The following ERGIC1 variants were observed in gnomAD, a reference collection of about 807,000 sequenced individuals.
ERGIC1 encodes the protein endoplasmic reticulum-Golgi intermediate compartment protein 1.
ERGIC1 carries 19 observed loss-of-function variants against 38.3 expected under a neutral mutation model. The observed-to-expected ratio is 0.50, with a 90% CI of 0.35 to 0.73. The LOEUF (loss-of-function observed/expected upper bound fraction) is 0.73. Ranked by LOEUF, ERGIC1 falls within the 30% of genes least tolerant of loss-of-function variation. The pLI is 0.01. For synonymous variants in ERGIC1, 124 were observed against 157.6 expected (o/e 0.79, Z 1.60); for missense variants, 294 against 389.2 (o/e 0.76, Z 2.06).
At chr5:172,942,012 C>G (rs1764020662) in intron 9 of ERGIC1, among the ~76,000 whole-genome samples, 1 of 152,100 alleles carries the variant, frequency 6.6e-6, no homozygotes, top group Non-Finnish European at 1.5e-5. Context: ...TGAGACCAGC[C>G]TAACATGGTG....
intron 3 of ERGIC1, chr5:172,905,199 G>T (rs113905647): frequency 4.1e-6 from 1 of 246,428 alleles, no homozygotes; most frequent in Admixed American, 4.1e-5. Flanking sequence ...AAGGTGAGTT[G>T]CTTCAAGGAA....
chr5:172,844,664 C>T (rs2113522139), intron 1 of ERGIC1, among the ~76,000 whole-genome samples: 1 of 152,284 alleles, frequency 6.6e-6, no homozygotes, highest in East Asian at 1.9e-4. Context: ...CCATGCTAAG[C>T]CCCCTCCCAC....
At chr5:172,874,899 T>C (rs1449701724) in intron 1 of ERGIC1, among the ~76,000 whole-genome samples, 2 of 141,620 alleles carry the variant, frequency 1.4e-5, no homozygotes, top group East Asian at 2.1e-4. Flanking sequence ...CACTCCAGCC[T>C]GGGCAAGAGT....
chr5:172,869,639 G>A (rs1761954405), intron 1 of ERGIC1, among the ~76,000 whole-genome samples: 1 of 152,214 alleles, frequency 6.6e-6, no homozygotes, highest in Admixed American at 6.5e-5. Flanking sequence ...ATGAATCACT[G>A]TAAAAATCAA....
In ERGIC1 at chr5:172,870,983, G is replaced by A. The variant is rs960614738; in HGVS notation, c.21-17716G>A. The stretch of plus-strand genomic sequence containing the variant: ...CAGCCCCTGGGGAACCCCAAGATGC[G>A]TAAGACAACCTCCTGCCCTTGAGGA... On this transcript the variant is annotated intron_variant, in intron 1 of 9. Transcript: ENST00000393784. 7.2e-5 allele frequency among the ~76,000 whole-genome samples: 11 copies of A among 152,348 alleles called. No individual in the cohort carries two copies. In the East Asian group the frequency reaches 1.2e-3, roughly 16 times the overall value.
At chr5:172,857,090 T>G (rs1326209901) in intron 1 of ERGIC1, among the ~76,000 whole-genome samples, 1 of 152,170 alleles carries the variant, frequency 6.6e-6, no homozygotes, top group African/African-American at 2.4e-5. Flanking sequence ...AGGAACATGA[T>G]GTACGCTGAA....
intron 5 of ERGIC1, among the ~76,000 whole-genome samples, chr5:172,920,734 C>T (rs534637344): frequency 2.8e-4 from 42 of 152,284 alleles, no homozygotes; most frequent in African/African-American, 8.9e-4. Flanking sequence ...ACTTCACTCC[C>T]GGAGCACGCG....
In ERGIC1 at chr5:172,935,316, T is replaced by C; in HGVS notation, c.765+6T>C. 2 of 1,613,894 alleles carry C rather than the reference T, an allele frequency of 1.2e-6. No individual in the cohort carries two copies. The highest frequency in any genetic ancestry group is 1.7e-6 in the Non-Finnish European group (2 of 1,179,982). Reference sequence around the variant, plus strand: ...TGTACAGATTCATCACCACGGTGAGTGGCCTGGGGCAGTGGGTGGGGCCCT... The same window carrying C: ...TGTACAGATTCATCACCACGGTGAGCGGCCTGGGGCAGTGGGTGGGGCCCT... On this transcript the variant is annotated splice_donor_region_variant and intron_variant, in intron 9 of 9. Coordinates refer to ENST00000393784, the MANE Select transcript of ERGIC1 (RefSeq NM_001031711.3).
intron 1 of ERGIC1, among the ~76,000 whole-genome samples, chr5:172,875,417 G>T (rs1273400698): frequency 6.6e-6 from 1 of 152,056 alleles, no homozygotes; most frequent in Non-Finnish European, 1.5e-5. Context: ...TGTTAGTGCC[G>T]GTGATGTGTG....
At chr5:172,899,350 C>T (rs1268568982) in intron 3 of ERGIC1, among the ~76,000 whole-genome samples, 3 of 135,830 alleles carry the variant, frequency 2.2e-5, no homozygotes, top group African/African-American at 8.5e-5. Flanking sequence ...CGGAGTCTCG[C>T]TCTGTCGTCC....
At chr5:172,887,223 G>A (rs1041467852) in intron 1 of ERGIC1, among the ~76,000 whole-genome samples, 2 of 152,176 alleles carry the variant, frequency 1.3e-5, no homozygotes, top group East Asian at 1.9e-4. Flanking sequence ...ACACCAGCCT[G>A]TCACCCCCAA....
chr5:172,897,923 GT>G, intron 3 of ERGIC1: 1 of 413,700 alleles, frequency 2.4e-6, no homozygotes, highest in Non-Finnish European at 4.4e-6. Context: ...ATTATCTGTT[GT>G]CTGGATAACC....
At chr5:172,838,755 A>G (rs767283473) in intron 1 of ERGIC1, among the ~76,000 whole-genome samples, 9 of 152,208 alleles carry the variant, frequency 5.9e-5, no homozygotes, top group East Asian at 3.9e-4. Flanking sequence ...TTAGGCCCCA[A>G]TAGGGAATGG....
rs145445297 is a variant in ERGIC1, at chr5:172,929,925, C to T, written c.542-2511C>T. Among the ~76,000 whole-genome samples the T allele has an allele frequency of 8.5e-4, 129 of 152,278 alleles. 3 individuals are homozygous for T. In the East Asian group the frequency reaches 0.017, roughly 20 times the overall value. The stretch of plus-strand genomic sequence containing the variant: ...AAAGATGGCTGGGCGCGGTGGCTAA[C>T]GCCTGTAATCCCAGCACTTTGGGAG... On this transcript the variant is annotated intron_variant, in intron 7 of 9. Transcript: ENST00000393784.
intron 8 of ERGIC1, chr5:172,934,836 A>C (rs911860827): frequency 2.2e-5 from 7 of 318,546 alleles, no homozygotes. Flanking sequence ...CCATTGTTGA[A>C]TAAATGAATG....
intron 1 of ERGIC1, among the ~76,000 whole-genome samples, chr5:172,866,222 A>G (rs914628229): frequency 6.6e-6 from 1 of 152,208 alleles, no homozygotes; most frequent in Non-Finnish European, 1.5e-5. Flanking sequence ...GGAAAGGCCA[A>G]CTGGGGAGAG....
Position 172,893,868 on chromosome 5 carries a change from GATAT to G in ERGIC1, c.83-3099_83-3096del, listed in dbSNP as rs1191189327. 2.2e-3 allele frequency among the ~76,000 whole-genome samples: 63 copies of G among 28,250 alleles called. 1 individual carries two copies. Among genetic ancestry groups the G allele is most frequent in the East Asian group, 3.1e-3 (2 of 652 alleles). 18.5% of individuals were successfully genotyped at this position (28,250 alleles called of 152,430 possible). ...CATTACGCTGCTGTTCACTTAGGGGGATATATATATATATATATATATATATATA... is the reference window on the plus strand; with the variant it reads ...CATTACGCTGCTGTTCACTTAGGGGGATATATATATATATATATATATATA... On this transcript the variant is annotated intron_variant, in intron 2 of 9. Transcript: ENST00000393784.
At chr5:172,932,286 G>A in intron 7 of ERGIC1, 150 bp from the exon 8 acceptor site, 1 of 684,996 alleles carries the variant, frequency 1.5e-6, no homozygotes, top group Non-Finnish European at 2.5e-6. Flanking sequence ...TATCCAAGGG[G>A]AGAAGATGAA....
chr5:172,879,852 G>T (rs1264620994), intron 1 of ERGIC1, among the ~76,000 whole-genome samples: 1 of 152,078 alleles, frequency 6.6e-6, no homozygotes, highest in Admixed American at 6.6e-5. Context: ...GGACCTTCTT[G>T]TGTGCCATGG....
Sources: allele counts gnomAD v4.1 joint callset (sites outside exome capture counted in the v4.1 genomes callset), GRCh38; gene constraint gnomAD v4.1.1; transcripts MANE v1.5; gene names NCBI Gene and HGNC (gene_info 2026-07-23, HGNC 2026-07-21).